The following ADGRB3 variants were observed in gnomAD, a reference collection of about 807,000 sequenced individuals.
The protein encoded by ADGRB3 is brain-specific angiogenesis inhibitor 3.
Under a neutral mutation model 193.4 loss-of-function variants are expected in ADGRB3, and 37 were observed. The observed-to-expected ratio is 0.19, with a 90% CI of 0.15 to 0.25. The LOEUF is 0.25. Among genes scored for constraint, ADGRB3 ranks in the 10% least tolerant of loss-of-function variants. The pLI is 1.00. For synonymous variants in ADGRB3, 690 were observed against 644.2 expected, an observed-to-expected ratio of 1.07 and a Z score of -1.08; for missense variants, 1,637 against 1,852.9, an observed-to-expected ratio of 0.88 and a Z score of 2.14.
chr6:69,113,975 A>G (rs1288403122), intron 17 of ADGRB3, among the ~76,000 whole-genome samples: 1 of 152,176 alleles, frequency 6.6e-6, no homozygotes, highest in East Asian at 1.9e-4. Context: ...TTCCCAAGGA[A>G]TTACTAAGAT....
intron 17 of ADGRB3, among the ~76,000 whole-genome samples, chr6:69,116,361 A>G (rs1415285332): frequency 2.6e-5 from 4 of 152,154 alleles, no homozygotes; most frequent in Non-Finnish European, 5.9e-5. Flanking sequence ...GCGCCCACAC[A>G]CACCTGTTTT....
intron 3 of ADGRB3, among the ~76,000 whole-genome samples, chr6:68,829,777 T>C (rs1389301870): frequency 6.6e-6 from 1 of 152,198 alleles, no homozygotes. Flanking sequence ...ATTCAGGTTA[T>C]TGATTTTTCC....
At chr6:69,190,699 C>G (rs1029904385) in intron 17 of ADGRB3, among the ~76,000 whole-genome samples, 2 of 152,134 alleles carry the variant, frequency 1.3e-5, no homozygotes, top group African/African-American at 4.8e-5. Context: ...TCAATCACCA[C>G]TAATTCACTG....
intron 17 of ADGRB3, among the ~76,000 whole-genome samples, chr6:69,203,489 G>T (rs1401308450): frequency 6.6e-6 from 1 of 150,888 alleles, no homozygotes; most frequent in Non-Finnish European, 1.5e-5. Context: ...TTATACTAAG[G>T]CTTCAGACAT....
At chr6:68,869,216 C>A (rs2150218810) in intron 3 of ADGRB3, among the ~76,000 whole-genome samples, 1 of 152,182 alleles carries the variant, frequency 6.6e-6, no homozygotes, top group East Asian at 1.9e-4. Flanking sequence ...ATATAGGAAA[C>A]TAAAACCAAA....
At chr6:68,685,436 A>G (rs572277628) in intron 3 of ADGRB3, among the ~76,000 whole-genome samples, 5 of 152,224 alleles carry the variant, frequency 3.3e-5, no homozygotes, top group Admixed American at 1.3e-4. Context: ...AGAAAATTTA[A>G]AGCAATAGAA....
chr6:68,714,124 T>C (rs1765452643), intron 3 of ADGRB3, among the ~76,000 whole-genome samples: 1 of 151,790 alleles, frequency 6.6e-6, no homozygotes, highest in African/African-American at 2.4e-5. Flanking sequence ...ATGTAAGCTG[T>C]TAATTGCTTG....
At chr6:68,928,003 A>G (rs932794153) in intron 3 of ADGRB3, among the ~76,000 whole-genome samples, 2 of 152,164 alleles carry the variant, frequency 1.3e-5, no homozygotes, top group African/African-American at 2.4e-5. Flanking sequence ...TAGTATTCAT[A>G]TAACATTGAT....
chr6:68,920,467 G>T (rs112125022), intron 3 of ADGRB3, among the ~76,000 whole-genome samples: 1 of 140,498 alleles, frequency 7.1e-6, no homozygotes, highest in Admixed American at 7.7e-5. Context: ...GCAGTGAGCC[G>T]AGATCCGCCA....
intron 3 of ADGRB3, among the ~76,000 whole-genome samples, chr6:68,850,386 T>C (rs493606): frequency 0.87 from 132,661 of 151,896 alleles, 58,193 homozygotes; most frequent in Middle Eastern, 0.95. Flanking sequence ...TTGGGTTACA[T>C]TTTTGTTACT....
At chr6:68,797,262 G>A (rs970444187) in intron 3 of ADGRB3, among the ~76,000 whole-genome samples, 18 of 152,166 alleles carry the variant, frequency 1.2e-4, no homozygotes, top group Non-Finnish European at 1.9e-4. Context: ...CCAGTGAGAG[G>A]AGACAAACAA....
At chr6:68,892,833 CTG>C (rs1357637706) in intron 3 of ADGRB3, among the ~76,000 whole-genome samples, 3 of 152,012 alleles carry the variant, frequency 2.0e-5, no homozygotes, top group Non-Finnish European at 4.4e-5. Context: ...ACAGAAGAAA[CTG>C]AAATAGTATC....
Position 69,325,699 on chromosome 6 carries a change from C to T in ADGRB3, c.2965+677C>T, listed in dbSNP as rs532364532. ...AAAAAGCCCAAATATACAATAATATCTACTGTATTAGAAGACTGGCATATG... is the reference window on the plus strand; with the variant it reads ...AAAAAGCCCAAATATACAATAATATTTACTGTATTAGAAGACTGGCATATG... On this transcript the variant is annotated intron_variant, in intron 21 of 31. Coordinates refer to ENST00000370598, the MANE Select transcript of ADGRB3 (RefSeq NM_001704.3). 2.5e-4 allele frequency among the ~76,000 whole-genome samples: 38 copies of T among 152,238 alleles called. No homozygotes were observed. In the South Asian group the frequency reaches 3.5e-3, roughly 14 times the overall value.
chr6:69,160,503 G>C lies in ADGRB3; in HGVS notation c.2481-72787G>C, dbSNP rs185182881. 1.7e-4 allele frequency among the ~76,000 whole-genome samples: 26 copies of C among 152,198 alleles called. 1 individual carries two copies. Among genetic ancestry groups the C allele is most frequent in the African/African-American group, 5.5e-4 (23 of 41,534 alleles). ...ACCTAAATCAGGACTTTTCTCAAAT[G>C]TTATCTTTCAGCGCTGGCTTCCCTA... On this transcript the variant is annotated intron_variant, in intron 17 of 31. Transcript: ENST00000370598.
chr6:69,373,327 T>C (rs1249424177), intron 30 of ADGRB3, among the ~76,000 whole-genome samples: 1 of 152,054 alleles, frequency 6.6e-6, no homozygotes, highest in Non-Finnish European at 1.5e-5. Context: ...GTTTCATTTA[T>C]GTAGATCAAT....
chr6:69,048,427 T>C (rs1771300779), intron 14 of ADGRB3, 93 bp downstream of exon 14: 2 of 1,243,104 alleles, frequency 1.6e-6, no homozygotes, highest in African/African-American at 3.1e-5. Flanking sequence ...CATTAAACAG[T>C]TTAGAAATAG....
chr6:68,920,840 C>G (rs1039670373), intron 3 of ADGRB3, among the ~76,000 whole-genome samples: 14 of 151,664 alleles, frequency 9.2e-5, no homozygotes. Flanking sequence ...GCACAATGTA[C>G]AAATGTAATG....
intron 3 of ADGRB3, among the ~76,000 whole-genome samples, chr6:68,888,468 T>C (rs944593623): frequency 2.6e-5 from 4 of 151,904 alleles, no homozygotes; most frequent in Non-Finnish European, 4.4e-5. Flanking sequence ...AAAATTGATA[T>C]TGTGGTCACA....
At chr6:68,885,691 A>G (rs935379617) in intron 3 of ADGRB3, among the ~76,000 whole-genome samples, 2 of 152,162 alleles carry the variant, frequency 1.3e-5, no homozygotes, top group Non-Finnish European at 2.9e-5. Flanking sequence ...GAAAGGGGAG[A>G]TATTGATCAA....
Sources: gnomAD v4.1 joint callset for allele counts (sites outside exome capture counted in the v4.1 genomes callset) on GRCh38, gnomAD v4.1.1 for gene constraint, MANE v1.5 for transcripts, NCBI Gene and HGNC (gene_info 2026-07-23, HGNC 2026-07-21) for gene names.